MYO3A: variants seen among roughly 807,000 people sequenced by gnomAD.
MYO3A encodes myosin IIIA.
MYO3A carries 180 observed loss-of-function variants against 192.7 expected under a neutral mutation model. The ratio of observed to expected loss-of-function variants is 0.93; its 90% CI spans 0.83 to 1.06. MYO3A has a LOEUF of 1.06. Ranked by LOEUF, MYO3A falls within the 50% of genes least tolerant of loss-of-function variation. MYO3A has a pLI of 0.00. For missense variants in MYO3A, 1,896 were observed against 1,905.0 expected (o/e 1.00, Z 0.09); for synonymous variants, 628 against 645.3 (o/e 0.97, Z 0.41).
chr10:26,032,731 T>C (rs928516412), intron 10 of MYO3A, among the ~76,000 whole-genome samples: 2 of 152,062 alleles, frequency 1.3e-5, no homozygotes, highest in Admixed American at 1.3e-4. Flanking sequence ...GGATTTTGAT[T>C]TTACAAAACA....
At chr10:26,057,792 G>C (rs1240314793) in intron 10 of MYO3A, among the ~76,000 whole-genome samples, 1 of 152,222 alleles carries the variant, frequency 6.6e-6, no homozygotes, top group Non-Finnish European at 1.5e-5. Context: ...TGATTGAAGA[G>C]AGTTTTTGTT....
At chr10:26,040,055 G>C (rs1386139816) in intron 10 of MYO3A, among the ~76,000 whole-genome samples, 1 of 151,498 alleles carries the variant, frequency 6.6e-6, no homozygotes, top group Non-Finnish European at 1.5e-5. Context: ...GTATTCCATA[G>C]GTTATGGTAT....
At chr10:26,145,114 G>T (rs1309877873) in intron 21 of MYO3A, among the ~76,000 whole-genome samples, 1 of 151,406 alleles carries the variant, frequency 6.6e-6, no homozygotes, top group African/African-American at 2.4e-5. Context: ...AGGAGGTGGA[G>T]GTTGCAGTGA....
Position 26,212,035 on chromosome 10 carries a change from T to G in MYO3A, c.*72T>G. Reference sequence around the variant, plus strand: ...GGGGCAGCAGGGGCCAAGCAGGCACTCTGGGGCTGGCACCAGCAGGCACTG... The same window carrying G: ...GGGGCAGCAGGGGCCAAGCAGGCACGCTGGGGCTGGCACCAGCAGGCACTG... On this transcript the variant is annotated 3_prime_UTR_variant, in exon 35 of 35. Transcript: ENST00000642920. 3 of 1,560,562 alleles carry G rather than the reference T, an allele frequency of 1.9e-6. No homozygotes were observed. Among genetic ancestry groups the G allele is most frequent in the Non-Finnish European group, 2.6e-6 (3 of 1,150,294 alleles).
intron 2 of MYO3A, among the ~76,000 whole-genome samples, chr10:25,951,865 T>C (rs536170692): frequency 6.6e-6 from 1 of 152,322 alleles, no homozygotes; most frequent in South Asian, 2.1e-4. Context: ...AATAAGAGAC[T>C]AGATTGGACA....
intron 33 of MYO3A, among the ~76,000 whole-genome samples, 168 bp downstream of exon 33, chr10:26,201,473 G>T (rs928231542): frequency 1.5e-4 from 23 of 152,062 alleles, no homozygotes; most frequent in African/African-American, 5.5e-4. Context: ...GAGGTCAGGA[G>T]ATCGAGACCA....
At position 26,007,135 on chromosome 10, in the gene MYO3A, T is replaced by C. The variant is rs1191900445; in HGVS notation, c.509-9685T>C. Among the ~76,000 whole-genome samples the C allele has an allele frequency of 1.1e-3, 163 of 146,944 alleles. 2 individuals carry two copies. Among genetic ancestry groups the C allele is most frequent in the African/African-American group, 4.0e-3 (149 of 37,114 alleles). On this transcript the variant is annotated intron_variant, in intron 6 of 34. Transcript: ENST00000642920. ...AACAGAACCGAAGACAAAAACCACA[T>C]GATTATCTCAACAGATGCAGAAAAG...
At chr10:26,049,673 C>CTTTTTTTTTTTTTTTTTT (rs66467075) in intron 10 of MYO3A, among the ~76,000 whole-genome samples, 4 of 69,114 alleles carry the variant, frequency 5.8e-5, no homozygotes, top group African/African-American at 1.0e-4. Context: ...TTCTTTCTTT[C>CTTTTTTTTTTTTTTTTTT]TTTTTTTTTT....
chr10:25,975,472 G>A (rs1004381513), intron 4 of MYO3A, among the ~76,000 whole-genome samples: 9 of 152,300 alleles, frequency 5.9e-5, no homozygotes, highest in East Asian at 1.9e-4. Flanking sequence ...GTAACAACAC[G>A]TGTCCAACTT....
intron 10 of MYO3A, among the ~76,000 whole-genome samples, chr10:26,057,624 GA>G: frequency 6.6e-6 from 1 of 152,274 alleles, no homozygotes. Context: ...AATAATTAAT[GA>G]GTAGACTTCA....
chr10:26,116,819 C>G (rs2131676195), intron 17 of MYO3A, among the ~76,000 whole-genome samples: 1 of 152,260 alleles, frequency 6.6e-6, no homozygotes, highest in Middle Eastern at 3.4e-3. Flanking sequence ...CCCTTGATCC[C>G]TACTCCATAG....
At chr10:26,202,517 T>A (rs1843722326) in intron 33 of MYO3A, among the ~76,000 whole-genome samples, 1 of 152,202 alleles carries the variant, frequency 6.6e-6, no homozygotes, top group Non-Finnish European at 1.5e-5. Flanking sequence ...ATGTTATTCA[T>A]GAAGGAGGTA....
intron 14 of MYO3A, among the ~76,000 whole-genome samples, chr10:26,081,341 T>C (rs1835944787): frequency 6.6e-6 from 1 of 151,768 alleles, no homozygotes; most frequent in East Asian, 1.9e-4. Flanking sequence ...GTCAGGGAAA[T>C]GGGGGAAAGC....
intron 4 of MYO3A, among the ~76,000 whole-genome samples, chr10:25,963,487 G>A (rs185417074): frequency 1.3e-5 from 2 of 152,306 alleles, no homozygotes; most frequent in African/African-American, 4.8e-5. Flanking sequence ...TGCCCTGGAG[G>A]ATAACATGTA....
rs987131194 is a variant in MYO3A, at chr10:25,938,868, A to G, written c.-18+3038A>G. Among the ~76,000 whole-genome samples the G allele has an allele frequency of 4.6e-5, 7 of 152,340 alleles. No individual in the cohort carries two copies. In the East Asian group the frequency reaches 1.3e-3, roughly 29 times the overall value. ...TTTGCATTATATTAGAAAAGAAAAC[A>G]TGCCCGTGTTCACTTATGAAGCAGT... is the stretch of plus-strand genomic sequence containing the variant. On this transcript the variant is annotated intron_variant, in intron 2 of 34. Transcript: ENST00000642920.
At chr10:26,007,469 A>T (rs939242045) in intron 6 of MYO3A, among the ~76,000 whole-genome samples, 1 of 151,258 alleles carries the variant, frequency 6.6e-6, no homozygotes, top group Non-Finnish European at 1.5e-5. Flanking sequence ...ACATGATTGT[A>T]TATCTAGAAA....
chr10:26,093,881 A>G (rs1394939792), intron 15 of MYO3A, among the ~76,000 whole-genome samples: 1 of 152,098 alleles, frequency 6.6e-6, no homozygotes, highest in Non-Finnish European at 1.5e-5. Flanking sequence ...TTCTTTTCCC[A>G]TAGCCCTTTT....
chr10:25,955,018 T>C lies in MYO3A; in HGVS notation c.303+10T>C. Reference sequence around the variant, plus strand: ...GTGGTTGGTTCTTGAGGTAAGTGTGTCAGCATCATTTGTATGGGTGGAAAC... The same window carrying C: ...GTGGTTGGTTCTTGAGGTAAGTGTGCCAGCATCATTTGTATGGGTGGAAAC... On this transcript the variant is annotated intron_variant, in intron 4 of 34. Transcript: ENST00000642920. The C allele has an allele frequency of 6.2e-7, 1 of 1,612,538 alleles. No homozygotes were observed. The highest frequency in any genetic ancestry group is 8.5e-7 in the Non-Finnish European group (1 of 1,178,856).
intron 30 of MYO3A, among the ~76,000 whole-genome samples, 158 bp from the exon 31 acceptor site, chr10:26,176,543 G>T (rs1446975677): frequency 6.6e-6 from 1 of 152,178 alleles, no homozygotes; most frequent in Non-Finnish European, 1.5e-5. Flanking sequence ...TGTCAGGTGA[G>T]AACTTTATCA....
Sources: gnomAD v4.1 joint callset for allele counts (sites outside exome capture counted in the v4.1 genomes callset) on GRCh38, gnomAD v4.1.1 for gene constraint, MANE v1.5 for transcripts, NCBI Gene and HGNC (gene_info 2026-07-23, HGNC 2026-07-21) for gene names.